The following LRP8 variants were observed in gnomAD, a reference collection of about 807,000 sequenced individuals.
LRP8 encodes the protein LDL receptor related protein 8.
A neutral mutation model predicts 111.6 loss-of-function variants in LRP8; 46 were observed. That is an observed-to-expected ratio of 0.41 (90% confidence interval 0.33 to 0.53). LRP8 has a LOEUF of 0.53. Ranked by LOEUF, LRP8 falls within the 20% of genes least tolerant of loss-of-function variation. The pLI is 0.20. For missense variants in LRP8, 959 were observed against 1,297.4 expected (o/e 0.74, Z 4.01); for synonymous variants, 464 against 511.2 (o/e 0.91, Z 1.24).
In LRP8 at chr1:53,266,719, C is replaced by T. The variant is rs1302787067; in HGVS notation, c.1253-72G>A. On this transcript the variant is annotated intron_variant, in intron 8 of 18. Transcript: ENST00000306052. This position sits in a 1 kb window ranked among gnomAD's most constrained non-coding sequence, Gnocchi z 5.0. ...GGGAGCCTGGAGACCAAGACTCTGC[C>T]ACTGGCTTGCTGGCTGACACATCCA... 4.3e-6 allele frequency: 6 copies of T among 1,405,464 alleles called. No homozygotes were observed. Among genetic ancestry groups the T allele is most frequent in the Non-Finnish European group, 5.0e-6 (5 of 999,218 alleles). 87.1% of individuals were successfully genotyped at this position (1,405,464 alleles called of 1,614,324 possible).
intron 3 of LRP8, among the ~76,000 whole-genome samples, chr1:53,287,233 G>T (rs1477270086): frequency 1.3e-5 from 2 of 152,250 alleles, no homozygotes; most frequent in African/African-American, 2.4e-5. Flanking sequence ...GAGCAAGCCT[G>T]CTATCAGGTC....
chr1:53,310,913 A>G (rs1221031100), intron 2 of LRP8, among the ~76,000 whole-genome samples: 3 of 151,696 alleles, frequency 2.0e-5, no homozygotes, highest in Non-Finnish European at 4.4e-5. Flanking sequence ...GCCATACTAT[A>G]AAGACACAGG....
At chr1:53,301,518 T>C (rs970491994) in intron 2 of LRP8, among the ~76,000 whole-genome samples, 28 of 152,044 alleles carry the variant, frequency 1.8e-4, no homozygotes, top group African/African-American at 6.8e-4. Flanking sequence ...GCCCAGGAGT[T>C]CAATACCAGC....
Position 53,249,337 on chromosome 1 carries a change from C to T in LRP8, c.2853+43G>A. 6.3e-7 allele frequency: 1 copy of T among 1,597,632 alleles called. No individual in the cohort carries two copies. The highest frequency in any genetic ancestry group is 8.5e-7 in the Non-Finnish European group (1 of 1,170,980). On this transcript the variant is annotated intron_variant, in intron 18 of 18. Coordinates refer to ENST00000306052, the MANE Select transcript of LRP8 (RefSeq NM_004631.5). The surrounding 1 kb of genome is among the most constrained non-coding windows in gnomAD (Gnocchi z 4.1). ...TGGCTGCGCCTGCCTTGGTTCATGCCCTCACTCACCAGCCCCTCAGACTTA... is the reference window on the plus strand; with the variant it reads ...TGGCTGCGCCTGCCTTGGTTCATGCTCTCACTCACCAGCCCCTCAGACTTA...
Position 53,279,540 on chromosome 1 carries a change from C to T in LRP8, c.496+1047G>A, listed in dbSNP as rs1235950932. 6.6e-6 allele frequency among the ~76,000 whole-genome samples: 1 copy of T among 152,204 alleles called. No homozygotes were observed. Among genetic ancestry groups the T allele is most frequent in the Non-Finnish European group, 1.5e-5 (1 of 68,034 alleles). ...AAACTGCTGTTCCCAGCCAGGATCTCCCTCCATACCCAGATGCTTCCTGCT... is the reference window on the plus strand; with the variant it reads ...AAACTGCTGTTCCCAGCCAGGATCTTCCTCCATACCCAGATGCTTCCTGCT... On this transcript the variant is annotated intron_variant, in intron 4 of 18. Transcript: ENST00000306052. The surrounding 1 kb of genome is among the most constrained non-coding windows in gnomAD (Gnocchi z 4.4).
rs774515736 is a variant in LRP8 at position 53,257,388 on chromosome 1, C to T, written c.2286G>A (p.Gly762=). 1.1e-5 allele frequency: 17 copies of T among 1,613,946 alleles called. No individual in the cohort carries two copies. Among genetic ancestry groups the T allele is most frequent in the Middle Eastern group, 1.6e-4 (1 of 6,084 alleles). ...GGTAGGTGGATCTGTGGACGGTGGT[C>T]CCGGGGGCTCTTGTGGTGGCAGGTA... The part of the protein sequence containing the change: ...RTVPATTRAP[G]TTVHRSTYQN... The change falls in exon 15 of 19, where the codon GGG becomes GGA. Residue 762 remains glycine (G), a synonymous_variant. Transcript: ENST00000306052.
intron 2 of LRP8, 35 bp downstream of exon 2, chr1:53,326,838 C>G: frequency 6.2e-7 from 1 of 1,600,534 alleles, no homozygotes; most frequent in Admixed American, 1.7e-5. Flanking sequence ...TTCCTTTTCT[C>G]TCCCCGGGTC....
chr1:53,275,761 G>A lies in LRP8; in HGVS notation c.884-8C>T. ...CACGGCAGGTGCCCAGTGCTGCCAG[G>A]AGAGGGCAAGGGGAGAGGATCAGAG... On this transcript the variant is annotated splice_polypyrimidine_tract_variant and splice_region_variant and intron_variant, in intron 5 of 18. Coordinates refer to ENST00000306052, the MANE Select transcript of LRP8 (RefSeq NM_004631.5). The surrounding 1 kb of genome is among the most constrained non-coding windows in gnomAD (Gnocchi z 4.4). 1 of 1,613,798 alleles carries A rather than the reference G, an allele frequency of 6.2e-7. No individual in the cohort carries two copies. The highest frequency in any genetic ancestry group is 8.5e-7 in the Non-Finnish European group (1 of 1,179,914).
chr1:53,255,431 G>A (rs759823848), intron 15 of LRP8, among the ~76,000 whole-genome samples: 4 of 152,144 alleles, frequency 2.6e-5, no homozygotes, highest in Non-Finnish European at 5.9e-5. Flanking sequence ...CAGAAAAGTG[G>A]CAGAGCTGGG....
rs938776747 is a variant in LRP8 at position 53,242,610 on chromosome 1, C to T, written c.*4408G>A. 1 of 152,048 alleles carries T rather than the reference C, an allele frequency of 6.6e-6. No individual in the cohort carries two copies. The highest frequency in any genetic ancestry group is 2.4e-5 in the African/African-American group (1 of 41,378). 9.4% of individuals were successfully genotyped at this position (152,048 alleles called of 1,614,324 possible). ...TAGTGTGACACAACATTCTAACATG[C>T]CTGATTCTTACATCAAATATGGTAA... is the stretch of plus-strand genomic sequence containing the variant. On this transcript the variant is annotated 3_prime_UTR_variant, in exon 19 of 19. Coordinates refer to ENST00000306052, the MANE Select transcript of LRP8 (RefSeq NM_004631.5).
At chr1:53,272,798 C>T (rs1391970852) in intron 6 of LRP8, among the ~76,000 whole-genome samples, 1 of 152,226 alleles carries the variant, frequency 6.6e-6, no homozygotes, top group Non-Finnish European at 1.5e-5. Flanking sequence ...CCTCCCTGAC[C>T]TCTCCTTTCC....
chr1:53,258,307 A>G lies in LRP8; in HGVS notation c.2209+12T>C. The G allele has an allele frequency of 6.2e-7, 1 of 1,612,430 alleles. No individual in the cohort carries two copies. The highest frequency in any genetic ancestry group is 8.5e-7 in the Non-Finnish European group (1 of 1,179,090). On this transcript the variant is annotated intron_variant, in intron 14 of 18. Coordinates refer to ENST00000306052, the MANE Select transcript of LRP8 (RefSeq NM_004631.5). ...ACTGCCAGGGGCCATCCCTCCTGGA[A>G]GGTCTGCTTACCTCGGTAGCACCTC...
In LRP8 at chr1:53,276,770, T is replaced by G; in HGVS notation, c.805A>C (p.Ser269Arg). ...CAGCCCAGGTGCACGCACTCGCCGC[T>G]GCGGCAGGCGAACTGGGAGGCGGTG... ...CATASQFACR[S>R]GECVHLGWRC... is the part of the protein sequence containing the mutation. The change falls in exon 5 of 19, where the codon AGC (serine) becomes CGC (arginine). Residue 269 changes from serine (S) to arginine (R), a missense_variant. Coordinates refer to ENST00000306052, the MANE Select transcript of LRP8 (RefSeq NM_004631.5). 7.0e-7 allele frequency: 1 copy of G among 1,424,348 alleles called. No individual in the cohort carries two copies. Among genetic ancestry groups the G allele is most frequent in the Middle Eastern group, 2.0e-4 (1 of 4,940 alleles). 88.2% of individuals were successfully genotyped at this position (1,424,348 alleles called of 1,614,324 possible).
chr1:53,264,128 AC>A (rs1283791540), intron 10 of LRP8, 40 bp downstream of exon 10: 1 of 1,583,028 alleles, frequency 6.3e-7, no homozygotes, highest in Admixed American at 1.7e-5. Flanking sequence ...AGGACTGAGC[AC>A]CTATGGTGGG....
At chr1:53,327,082 G>A in intron 1 of LRP8, 90 bp from the exon 2 acceptor site, 3 of 1,543,346 alleles carry the variant, frequency 1.9e-6, no homozygotes, top group Admixed American at 1.8e-5. Flanking sequence ...ACCCGCTGGG[G>A]AGGAGGAAAG....
At position 53,328,016 on chromosome 1, in the gene LRP8, C is replaced by CCCGCCGCCG. The variant is rs528801146; in HGVS notation, c.-113_-105dup. The CCCGCCGCCG allele has an allele frequency of 5.1e-5, 31 of 611,160 alleles. No homozygotes were observed. The highest frequency in any genetic ancestry group is 3.3e-4 in the Admixed American group (5 of 15,332). 37.9% of individuals were successfully genotyped at this position (611,160 alleles called of 1,614,324 possible). ...CCGCGGCGCCGGGGTTGCCGCTGCCCCCGCCGCCGCCGCCGCCGCCGCTGC... is the reference window on the plus strand; with the variant it reads ...CCGCGGCGCCGGGGTTGCCGCTGCCCCCGCCGCCGCCGCCGCCGCCGCCGCCGCCGCTGC... On this transcript the variant is annotated 5_prime_UTR_variant, in exon 1 of 19. Transcript: ENST00000306052.
intron 2 of LRP8, among the ~76,000 whole-genome samples, chr1:53,290,753 G>C (rs1288508): frequency 7.2e-5 from 11 of 152,112 alleles, no homozygotes; most frequent in Non-Finnish European, 1.6e-4. Context: ...AGCACTGGGC[G>C]CACCTAGCAG....
At chr1:53,301,119 C>T (rs1048379015) in intron 2 of LRP8, among the ~76,000 whole-genome samples, 3 of 152,130 alleles carry the variant, frequency 2.0e-5, no homozygotes, top group Admixed American at 6.5e-5. Flanking sequence ...CAGCAGAGCA[C>T]GTGGCTCAGG....
At chr1:53,257,209 T>G in intron 15 of LRP8, 31 bp downstream of exon 15, 1 of 1,607,710 alleles carries the variant, frequency 6.2e-7, no homozygotes, top group South Asian at 1.1e-5. Flanking sequence ...CCCTCCCATG[T>G]CATGAAAGAA....
Sources: gnomAD v4.1 joint callset for allele counts (sites outside exome capture counted in the v4.1 genomes callset) on GRCh38, gnomAD v4.1.1 for gene constraint, Gnocchi (gnomAD v3.1) non-coding constraint, MANE v1.5 for transcripts, NCBI Gene and HGNC (gene_info 2026-07-23, HGNC 2026-07-21) for gene names.